The following RPH3A variants were observed in gnomAD, a reference collection of about 807,000 sequenced individuals.
The protein encoded by RPH3A is rabphilin-3A.
In RPH3A, 48 loss-of-function variants were observed where a neutral mutation model predicts 102.2. The observed-to-expected ratio is 0.47, with a 90% confidence interval of 0.37 to 0.60. The LOEUF (loss-of-function observed/expected upper bound fraction) is 0.60. RPH3A is among the 20% of genes least tolerant of loss of function. RPH3A has a pLI of 0.00. For missense variants in RPH3A, 781 were observed against 910.1 expected (o/e 0.86, Z 1.83); for synonymous variants, 310 against 324.3 (o/e 0.96, Z 0.47).
At chr12:112,807,774 A>G (rs1316230037) in intron 2 of RPH3A, among the ~76,000 whole-genome samples, 2 of 151,446 alleles carry the variant, frequency 1.3e-5, no homozygotes, top group Non-Finnish European at 2.9e-5. Context: ...TCCACTACCC[A>G]CCTCTTCCAG....
chr12:112,652,553 G>A (rs1414381498), intron 1 of RPH3A, among the ~76,000 whole-genome samples: 1 of 152,162 alleles, frequency 6.6e-6, no homozygotes, highest in African/African-American at 2.4e-5. Context: ...GACTGGACTG[G>A]TGGCTGTTGA....
chr12:112,896,872 C>T lies in RPH3A; in HGVS notation c.*92C>T. 1 of 1,428,510 alleles carries T rather than the reference C, an allele frequency of 7.0e-7. No individual in the cohort carries two copies. The highest frequency in any genetic ancestry group is 1.3e-5 in the South Asian group (1 of 79,888). The allele number at this position is 1,428,510 out of a possible 1,614,324, so 88.5% of individuals were successfully genotyped here. On this transcript the variant is annotated 3_prime_UTR_variant, in exon 22 of 22. Transcript: ENST00000389385. ...CCCTGATCTCTCTTCTCTATGCCTACCTCCCCCCATACCCTGCTGATCTCC... is the reference window on the plus strand; with the variant it reads ...CCCTGATCTCTCTTCTCTATGCCTATCTCCCCCCATACCCTGCTGATCTCC...
chr12:112,588,525 G>A (rs1000782256), intron 1 of RPH3A, among the ~76,000 whole-genome samples: 10 of 152,188 alleles, frequency 6.6e-5, no homozygotes, highest in African/African-American at 1.7e-4. Context: ...TCCCTCCCAC[G>A]ACATGTGGGG....
At chr12:112,765,245 A>AG (rs2040880292) in intron 1 of RPH3A, among the ~76,000 whole-genome samples, 2 of 104,538 alleles carry the variant, frequency 1.9e-5, no homozygotes, top group Non-Finnish European at 3.9e-5. Flanking sequence ...AGTCATGGTG[A>AG]TTGTGTGTGT....
chr12:112,737,180 A>G lies in RPH3A; in HGVS notation c.-139-54963A>G, dbSNP rs140268410. Among the ~76,000 whole-genome samples, 282 of 151,890 alleles carry G rather than the reference A, an allele frequency of 1.9e-3. 3 individuals carry two copies. The highest frequency in any genetic ancestry group is 6.2e-3 in the African/African-American group (259 of 41,466). On this transcript the variant is annotated intron_variant, in intron 1 of 21. Transcript: ENST00000543106. ...AAAAAAAAAAAAAACAAAATAAAAA[A>G]AAAACAAACAAAAGCTACTTCTTTA...
intron 1 of RPH3A, among the ~76,000 whole-genome samples, chr12:112,631,038 G>T (rs1281945708): frequency 2.0e-5 from 3 of 152,120 alleles, no homozygotes; most frequent in African/African-American, 7.2e-5. Context: ...GAAACAGGGT[G>T]ATATGGGGCT....
At chr12:112,890,803 G>T in intron 18 of RPH3A, 46 bp from the exon 19 acceptor site, 1 of 1,594,654 alleles carries the variant, frequency 6.3e-7, no homozygotes, top group Non-Finnish European at 8.6e-7. Context: ...CACATTTCCT[G>T]GCCCCCTCCC....
chr12:112,731,750 G>A (rs115753494), intron 1 of RPH3A, among the ~76,000 whole-genome samples: 2,416 of 152,124 alleles, frequency 0.016, 68 homozygotes, highest in African/African-American at 0.055. Context: ...TAATTAAATC[G>A]TCTACAAAAA....
intron 2 of RPH3A, among the ~76,000 whole-genome samples, chr12:112,821,842 A>G (rs1325639565): frequency 6.6e-6 from 1 of 152,354 alleles, no homozygotes; most frequent in East Asian, 1.9e-4. Flanking sequence ...TGCCTAGAAC[A>G]GTGTCTGGCA....
intron 1 of RPH3A, among the ~76,000 whole-genome samples, chr12:112,750,656 A>G (rs1323447309): frequency 6.6e-6 from 1 of 152,146 alleles, no homozygotes; most frequent in African/African-American, 2.4e-5. Flanking sequence ...GCTATGTCCA[A>G]TATCCAACTC....
chr12:112,586,354 G>T (rs1047839565), intron 1 of RPH3A, among the ~76,000 whole-genome samples: 2 of 152,150 alleles, frequency 1.3e-5, no homozygotes, highest in African/African-American at 2.4e-5. Flanking sequence ...GCTAAGTGCT[G>T]TGAAGGCAAA....
chr12:112,590,386 A>C (rs2039468990), intron 1 of RPH3A, among the ~76,000 whole-genome samples: 1 of 152,224 alleles, frequency 6.6e-6, no homozygotes, highest in Admixed American at 6.5e-5. Flanking sequence ...CCTTTCACCC[A>C]GTGACCTTGA....
At position 112,828,317 on chromosome 12, in the gene RPH3A, C is replaced by T. The variant is rs780550699; in HGVS notation, c.-2C>T. The T allele has an allele frequency of 1.2e-6, 2 of 1,611,406 alleles. No individual in the cohort carries two copies. The highest frequency in any genetic ancestry group is 2.2e-5 in the South Asian group (2 of 90,544). ...GTTTTCCAGGAGCACTAGACATCTA[C>T]TATGACTGACACCGTGTTCAGCAAC... On this transcript the variant is annotated 5_prime_UTR_variant, in exon 3 of 22. Transcript: ENST00000389385.
At chr12:112,728,551 T>A (rs1202556328) in intron 1 of RPH3A, among the ~76,000 whole-genome samples, 1 of 152,164 alleles carries the variant, frequency 6.6e-6, no homozygotes, top group East Asian at 1.9e-4. Flanking sequence ...GACTTAAGAA[T>A]CAATGCCTTC....
In RPH3A at chr12:112,608,384, G is replaced by A. The variant is rs550897307; in HGVS notation, c.-140+33065G>A. 2.0e-5 allele frequency among the ~76,000 whole-genome samples: 3 copies of A among 152,224 alleles called. No individual in the cohort carries two copies. In the South Asian group the frequency reaches 6.2e-4, roughly 32 times the overall value. On this transcript the variant is annotated intron_variant, in intron 1 of 21. Coordinates refer to the RPH3A transcript ENST00000543106. ...ACCCGCTTTGGTCTCCCAAAGTGCT[G>A]GGATTACAGGCATGAGCTATCCCGC... is the stretch of plus-strand genomic sequence containing the variant.
intron 2 of RPH3A, among the ~76,000 whole-genome samples, chr12:112,807,275 T>C (rs903515780): frequency 1.3e-5 from 2 of 152,086 alleles, no homozygotes; most frequent in African/African-American, 4.8e-5. Flanking sequence ...AACTTCAAAC[T>C]GGCCCAGAAA....
At chr12:112,590,860 T>G (rs1459152713) in intron 1 of RPH3A, among the ~76,000 whole-genome samples, 1 of 152,240 alleles carries the variant, frequency 6.6e-6, no homozygotes, top group Non-Finnish European at 1.5e-5. Context: ...CAGGCTGGAC[T>G]GCAATCATAG....
At chr12:112,622,078 G>A (rs914939500) in intron 1 of RPH3A, among the ~76,000 whole-genome samples, 3 of 149,462 alleles carry the variant, frequency 2.0e-5, no homozygotes, top group South Asian at 2.2e-4. Flanking sequence ...CATCAAAGAC[G>A]AAAAGTAGAT....
At chr12:112,750,827 G>A (rs1349917201) in intron 1 of RPH3A, among the ~76,000 whole-genome samples, 2 of 152,124 alleles carry the variant, frequency 1.3e-5, no homozygotes, top group African/African-American at 4.8e-5. Flanking sequence ...GGACAAGTTA[G>A]GCCAATGAGG....
Sources: allele counts gnomAD v4.1 joint callset (sites outside exome capture counted in the v4.1 genomes callset), GRCh38; gene constraint gnomAD v4.1.1; transcripts MANE v1.5; gene names NCBI Gene and HGNC (gene_info 2026-07-23, HGNC 2026-07-21).